PTPRD: variants seen among roughly 807,000 people sequenced by gnomAD.
The protein encoded by PTPRD is protein tyrosine phosphatase receptor type D.
PTPRD carries 34 observed loss-of-function variants against 214.5 expected under a neutral mutation model. The observed-to-expected ratio is 0.16, with a 90% CI of 0.12 to 0.21. The LOEUF is 0.21. PTPRD is among the 10% of genes least tolerant of loss of function. The pLI is 1.00. For missense variants in PTPRD, 2,545 were observed against 2,398.7 expected (o/e 1.06, Z -1.27); for synonymous variants, 1,128 against 845.7 (o/e 1.33, Z -5.79).
chr9:10,549,804 G>A (rs1314360079), intron 2 of PTPRD, among the ~76,000 whole-genome samples: 1 of 151,666 alleles, frequency 6.6e-6, no homozygotes, highest in Non-Finnish European at 1.5e-5. Flanking sequence ...GAAGAGACCA[G>A]GTTTTAAAAA....
intron 2 of PTPRD, among the ~76,000 whole-genome samples, chr9:10,460,024 G>C (rs1406251567): frequency 1.3e-5 from 2 of 151,896 alleles, no homozygotes; most frequent in African/African-American, 2.4e-5. Flanking sequence ...TCATAATGTT[G>C]TGTAGTCAGA....
intron 6 of PTPRD, among the ~76,000 whole-genome samples, chr9:9,754,109 G>T (rs1057002025): frequency 6.6e-6 from 1 of 152,078 alleles, no homozygotes; most frequent in Non-Finnish European, 1.5e-5. Context: ...AATATGCTCA[G>T]TAAAAACTGA....
intron 3 of PTPRD, among the ~76,000 whole-genome samples, chr9:10,212,029 T>C (rs1257464589): frequency 6.6e-6 from 1 of 152,130 alleles, no homozygotes; most frequent in Non-Finnish European, 1.5e-5. Flanking sequence ...GTAGATGTTG[T>C]TTAGGAAGAC....
At chr9:10,120,014 T>C (rs2098762344) in intron 3 of PTPRD, among the ~76,000 whole-genome samples, 1 of 152,068 alleles carries the variant, frequency 6.6e-6, no homozygotes, top group Admixed American at 6.6e-5. Flanking sequence ...CTCAGGATAG[T>C]GATAGAAACT....
intron 7 of PTPRD, among the ~76,000 whole-genome samples, chr9:9,704,277 T>A (rs935174281): frequency 1.3e-5 from 2 of 152,088 alleles, no homozygotes; most frequent in African/African-American, 4.8e-5. Context: ...GTCACCAGCA[T>A]TCTACTTTAT....
chr9:8,633,582 G>T, intron 13 of PTPRD, 124 bp from the exon 14 acceptor site: 1 of 1,120,862 alleles, frequency 8.9e-7, no homozygotes, highest in Non-Finnish European at 1.3e-6. Flanking sequence ...TTCTGAAACT[G>T]AATTTTGATA....
At chr9:10,130,357 C>A (rs889789469) in intron 3 of PTPRD, among the ~76,000 whole-genome samples, 1 of 151,986 alleles carries the variant, frequency 6.6e-6, no homozygotes, top group Non-Finnish European at 1.5e-5. Context: ...AAAAATTGTG[C>A]CAAATTTTAG....
intron 4 of PTPRD, among the ~76,000 whole-genome samples, chr9:10,027,853 C>T (rs935060902): frequency 3.3e-5 from 5 of 152,074 alleles, no homozygotes; most frequent in Non-Finnish European, 5.9e-5. Context: ...ATATGAATTG[C>T]CTTTTTCTCC....
chr9:10,439,226 C>CT (rs112319293), intron 2 of PTPRD, among the ~76,000 whole-genome samples: 11,978 of 151,634 alleles, frequency 0.079, 741 homozygotes, highest in African/African-American at 0.16. Context: ...GTCACTCACG[C>CT]GTTTGAGAGT....
At chr9:8,561,131 C>A (rs192459809) in intron 14 of PTPRD, among the ~76,000 whole-genome samples, 1 of 152,098 alleles carries the variant, frequency 6.6e-6, no homozygotes, top group South Asian at 2.1e-4. Flanking sequence ...TCTGATTGAT[C>A]CCCACCCTTC....
At chr9:8,936,422 G>A (rs559863034) in intron 11 of PTPRD, among the ~76,000 whole-genome samples, 6 of 9,340 alleles carry the variant, frequency 6.4e-4, no homozygotes, top group African/African-American at 1.5e-3. Flanking sequence ...GCAAGACCCT[G>A]CCTCCAAAAA....
intron 3 of PTPRD, among the ~76,000 whole-genome samples, chr9:10,137,877 T>C (rs11532878): frequency 6.6e-6 from 1 of 151,818 alleles, no homozygotes; most frequent in East Asian, 1.9e-4. Context: ...AAAATCTATG[T>C]GATGCAGCTA....
intron 10 of PTPRD, among the ~76,000 whole-genome samples, chr9:9,176,446 A>C (rs2099924922): frequency 6.6e-6 from 1 of 152,082 alleles, no homozygotes; most frequent in South Asian, 2.1e-4. Context: ...CTTTTTGTCC[A>C]TTTATTAGGT....
intron 11 of PTPRD, among the ~76,000 whole-genome samples, chr9:8,933,880 A>C (rs961781928): frequency 1.3e-5 from 2 of 152,154 alleles, no homozygotes; most frequent in Non-Finnish European, 2.9e-5. Flanking sequence ...ACTTTAATAA[A>C]TCACAAATCT....
chr9:8,726,165 A>G (rs1201558800), intron 12 of PTPRD, among the ~76,000 whole-genome samples: 3 of 152,100 alleles, frequency 2.0e-5, no homozygotes, highest in African/African-American at 4.8e-5. Context: ...TCTCCATCCA[A>G]TCACAGGACC....
chr9:9,821,847 A>G (rs2050848239), intron 5 of PTPRD, among the ~76,000 whole-genome samples: 1 of 151,392 alleles, frequency 6.6e-6, no homozygotes, highest in East Asian at 1.9e-4. Flanking sequence ...ACTTCCAAAA[A>G]TAAAGGACAT....
At chr9:9,353,362 T>C (rs932836591) in intron 9 of PTPRD, among the ~76,000 whole-genome samples, 1 of 151,976 alleles carries the variant, frequency 6.6e-6, no homozygotes, top group Non-Finnish European at 1.5e-5. Flanking sequence ...TACAGAATTT[T>C]ATAACAGGAA....
At chr9:10,439,382 C>T (rs2098744110) in intron 2 of PTPRD, among the ~76,000 whole-genome samples, 2 of 151,738 alleles carry the variant, frequency 1.3e-5, no homozygotes, top group African/African-American at 4.8e-5. Context: ...CAAAACCCTA[C>T]ATCTGGATTA....
intron 10 of PTPRD, among the ~76,000 whole-genome samples, chr9:9,069,497 T>C (rs753845932): frequency 8.5e-5 from 13 of 152,202 alleles, no homozygotes; most frequent in Non-Finnish European, 1.3e-4. Context: ...TGACAGAATG[T>C]AGTGAGCACA....
Sources: allele counts gnomAD v4.1 joint callset (sites outside exome capture counted in the v4.1 genomes callset), GRCh38; gene constraint gnomAD v4.1.1; transcripts MANE v1.5; gene names NCBI Gene and HGNC (gene_info 2026-07-23, HGNC 2026-07-21).